IPO13: variants seen among roughly 807,000 people sequenced by gnomAD.
IPO13 encodes the protein importin-13.
In IPO13, 28 loss-of-function variants were observed where a neutral mutation model predicts 115.5. The observed-to-expected ratio is 0.24, with a 90% confidence interval of 0.18 to 0.33. The LOEUF is 0.33. Among genes scored for constraint, IPO13 ranks in the 10% least tolerant of loss-of-function variants. The pLI is 1.00. For synonymous variants in IPO13, 414 were observed against 478.9 expected (o/e 0.86, Z 1.77); for missense variants, 785 against 1,204.6 (o/e 0.65, Z 5.16).
chr1:43,967,153 AG>A lies in IPO13; in HGVS notation c.2613+135del. 1 of 1,108,426 alleles carries A rather than the reference AG, an allele frequency of 9.0e-7. No homozygotes were observed. Among genetic ancestry groups the A allele is most frequent in the African/African-American group, 1.5e-5 (1 of 64,852 alleles). 68.7% of individuals were successfully genotyped at this position (1,108,426 alleles called of 1,614,324 possible). A position where few individuals can be genotyped will look rare whatever the true frequency, so the allele number is the denominator to read the frequency against. On this transcript the variant is annotated intron_variant, in intron 18 of 19. Transcript: ENST00000372343. The surrounding 1 kb of genome is among the most constrained non-coding windows in gnomAD (Gnocchi z 6.1). ...TTTCTTCTTCAATTAAATGCCTGAAAGTTGTTAGGATTGCTGTGGGGATCAG... is the reference window on the plus strand; with the variant it reads ...TTTCTTCTTCAATTAAATGCCTGAAATTGTTAGGATTGCTGTGGGGATCAG...
intron 11 of IPO13, 116 bp from the exon 12 acceptor site, chr1:43,960,133 T>C: frequency 1.1e-6 from 1 of 875,336 alleles, no homozygotes; most frequent in East Asian, 2.4e-5. Flanking sequence ...GGGTCCTCAA[T>C]GTGTGTTCTG....
Position 43,956,182 on chromosome 1 carries a change from C to A in IPO13, c.822-138C>A, listed in dbSNP as rs1315394640. 4.2e-6 allele frequency: 4 copies of A among 945,344 alleles called. No individual in the cohort carries two copies. The highest frequency in any genetic ancestry group is 6.2e-6 in the Non-Finnish European group (4 of 641,416). 58.6% of individuals were successfully genotyped at this position (945,344 alleles called of 1,614,324 possible). On this transcript the variant is annotated intron_variant, in intron 2 of 19. Transcript: ENST00000372343. This position sits in a 1 kb window ranked among gnomAD's most constrained non-coding sequence, Gnocchi z 4.7. ...GGGAACATCAAATCTGCCATGTAGA[C>A]CCTGACCCTTTTTTTGCTTAGGATT... is the stretch of plus-strand genomic sequence containing the variant.
Position 43,958,992 on chromosome 1 carries a change from G to T in IPO13, c.2028+103G>T. ...ACTCTTCAATTCTGTGGGTAATGTT[G>T]TCATTGTTCTCCCTGCCCCGTGGGC... On this transcript the variant is annotated intron_variant, in intron 11 of 19. Transcript: ENST00000372343. The surrounding 1 kb of genome is among the most constrained non-coding windows in gnomAD (Gnocchi z 6.3). The T allele has an allele frequency of 3.4e-6, 4 of 1,167,862 alleles. No homozygotes were observed. Among genetic ancestry groups the T allele is most frequent in the East Asian group, 2.4e-5 (1 of 41,774 alleles). The allele number at this position is 1,167,862 out of a possible 1,614,324, so 72.3% of individuals were successfully genotyped here.
intron 2 of IPO13, among the ~76,000 whole-genome samples, chr1:43,955,879 T>G (rs184315869): frequency 6.6e-6 from 1 of 151,882 alleles, no homozygotes; most frequent in African/African-American, 2.4e-5. Flanking sequence ...TCCCCAAAAG[T>G]TGTAACCTAG....
rs1439553421 is a variant in IPO13, at chr1:43,950,166, C to G, written c.821+13C>G. The G allele has an allele frequency of 3.2e-6, 5 of 1,586,244 alleles. No individual in the cohort carries two copies. In the African/African-American group the frequency reaches 6.7e-5, roughly 21 times the overall value. ...CTGATGCCCAGAGGTGAGCTAGTAC[C>G]CACTCACCCAGAAGACAACCTCTTT... is the stretch of plus-strand genomic sequence containing the variant. On this transcript the variant is annotated intron_variant, in intron 2 of 19. Transcript: ENST00000372343.
chr1:43,964,459 G>C (rs1487117072), intron 15 of IPO13, 138 bp downstream of exon 15: 1 of 669,242 alleles, frequency 1.5e-6, no homozygotes, highest in African/African-American at 1.8e-5. Flanking sequence ...TTCTTCATCT[G>C]TTTCCGTGGA....
chr1:43,949,258 C>A (rs746741612), intron 1 of IPO13, 159 bp from the exon 2 acceptor site: 2 of 685,408 alleles, frequency 2.9e-6, no homozygotes, highest in Non-Finnish European at 4.8e-6. Flanking sequence ...ATCAGCAGGA[C>A]CCCAGGCCCA....
At chr1:43,948,957 G>A (rs1019476855) in intron 1 of IPO13, among the ~76,000 whole-genome samples, 3 of 152,232 alleles carry the variant, frequency 2.0e-5, no homozygotes, top group Non-Finnish European at 2.9e-5. Flanking sequence ...CATCTGGACT[G>A]ACCTAGGGAT....
chr1:43,956,985 A>G lies in IPO13; in HGVS notation c.1271+9A>G. On this transcript the variant is annotated intron_variant, in intron 5 of 19. Coordinates refer to ENST00000372343, the MANE Select transcript of IPO13 (RefSeq NM_014652.4). The surrounding 1 kb of genome is among the most constrained non-coding windows in gnomAD (Gnocchi z 4.7). The stretch of plus-strand genomic sequence containing the variant: ...CAGTTCCGAATTTACAGGTGATGGT[A>G]GCAGGCCAACTCCTCTAAAATGGAG... The G allele has an allele frequency of 6.2e-7, 1 of 1,613,514 alleles. No homozygotes were observed. Among genetic ancestry groups the G allele is most frequent in the Non-Finnish European group, 8.5e-7 (1 of 1,179,692 alleles).
Position 43,958,692 on chromosome 1 carries a change from T to C in IPO13, c.1885-54T>C. The C allele has an allele frequency of 6.2e-7, 1 of 1,613,112 alleles. No individual in the cohort carries two copies. Among genetic ancestry groups the C allele is most frequent in the Non-Finnish European group, 8.5e-7 (1 of 1,179,230 alleles). On this transcript the variant is annotated intron_variant, in intron 10 of 19. Coordinates refer to ENST00000372343, the MANE Select transcript of IPO13 (RefSeq NM_014652.4). This position sits in a 1 kb window ranked among gnomAD's most constrained non-coding sequence, Gnocchi z 6.3. ...CCCTCAGAGCTGAGGCTCAGTGATC[T>C]GGGGACCAAACTGGGGCTGGGAGAT...
In IPO13 at chr1:43,950,072, T is replaced by C; in HGVS notation, c.740T>C (p.Phe247Ser). Residue 247 changes from phenylalanine (F) to serine (S), a missense_variant, in exon 2 of 20, where the codon TTT (phenylalanine) becomes TCT (serine). Physicochemically the swap from Phe to Ser is radical, Grantham distance 155. Transcript: ENST00000372343. ...QDCEALIQAAFAALQDSELFD... is the reference protein window; with the variant it reads ...QDCEALIQAASAALQDSELFD... ...TGTGAGGCGCTCATTCAGGCTGCCT[T>C]TGCTGCTCTGCAGGACTCGGAGCTC... 1 of 1,613,904 alleles carries C rather than the reference T, an allele frequency of 6.2e-7. No individual in the cohort carries two copies. The highest frequency in any genetic ancestry group is 8.5e-7 in the Non-Finnish European group (1 of 1,180,006).
Position 43,949,590 on chromosome 1 carries a change from C to T in IPO13, c.258C>T (p.Ile86=). The stretch of plus-strand genomic sequence containing the variant: ...GGGCCAGTGCTCTTCACATCAAGAT[C>T]TCTCGCTACTGGAGTGACATCCCCA... ...YFGASALHIK[I]SRYWSDIPTD... The change falls in exon 2 of 20, where the codon ATC becomes ATT. Residue 86 remains isoleucine (I), a synonymous_variant. Transcript: ENST00000372343. 6.2e-7 allele frequency: 1 copy of T among 1,614,230 alleles called. No homozygotes were observed. Among genetic ancestry groups the T allele is most frequent in the Non-Finnish European group, 8.5e-7 (1 of 1,180,036 alleles).
At chr1:43,954,324 A>T (rs975799425) in intron 2 of IPO13, among the ~76,000 whole-genome samples, 2 of 152,092 alleles carry the variant, frequency 1.3e-5, no homozygotes, top group African/African-American at 2.4e-5. Flanking sequence ...TGGGCTGGGG[A>T]TATCCTGGCA....
intron 6 of IPO13, 33 bp from the exon 7 acceptor site, chr1:43,957,369 C>T: frequency 6.2e-7 from 1 of 1,613,764 alleles, no homozygotes; most frequent in Non-Finnish European, 8.5e-7. Flanking sequence ...CACCCTCCTC[C>T]TCATCCAAGC....
chr1:43,961,104 G>T (rs561503621), intron 13 of IPO13, 62 bp from the exon 14 acceptor site: 10 of 1,606,940 alleles, frequency 6.2e-6, no homozygotes, highest in African/African-American at 2.7e-5. Flanking sequence ...GCATTCCAGG[G>T]ATATTGCCAT....
rs2085192961 is a variant in IPO13, at chr1:43,949,744, G to A, written c.412G>A (p.Ala138Thr). ...ASLALSMMPD[A>T]WPCAVADMVR... ...ACTGGCTCTCAGCATGATGCCTGAC[G>A]CTTGGCCATGTGCTGTGGCAGATAT... is the stretch of plus-strand genomic sequence containing the variant. Residue 138 changes from alanine to threonine, a missense_variant, in exon 2 of 20, where the codon GCT becomes ACT. Ala to Thr is a moderately conservative substitution (Grantham distance 58, BLOSUM62 0). Around this residue, in one of 3 missense-constraint regions of IPO13, gnomAD observed 325 missense variants for 449.8 expected, o/e 0.72. Transcript: ENST00000372343. 6.2e-7 allele frequency: 1 copy of A among 1,614,150 alleles called. No homozygotes were observed. Among genetic ancestry groups the A allele is most frequent in the Non-Finnish European group, 8.5e-7 (1 of 1,179,986 alleles).
Position 43,960,947 on chromosome 1 carries a change from G to A in IPO13, c.2181G>A (p.Leu727=). The change falls in exon 13 of 20, where the codon CTG becomes CTA. Residue 727 remains leucine, a synonymous_variant. Coordinates refer to ENST00000372343, the MANE Select transcript of IPO13 (RefSeq NM_014652.4). ...ACTTTGCCCCCATGGTGCCACAGCTGTGTGAGATGCTGGGTCGGATGTACA... is the reference window on the plus strand; with the variant it reads ...ACTTTGCCCCCATGGTGCCACAGCTATGTGAGATGCTGGGTCGGATGTACA... The part of the protein sequence containing the change: ...LDDFAPMVPQ[L]CEMLGRMYST... The A allele has an allele frequency of 6.2e-7, 1 of 1,614,232 alleles. No homozygotes were observed. The highest frequency in any genetic ancestry group is 8.5e-7 in the Non-Finnish European group (1 of 1,180,034).
rs34319792 is a variant in IPO13 at position 43,949,758 on chromosome 1, T to G, written c.426T>G (p.Ala142=). ...LSMMPDAWPC[A]VADMVRLFQA... is the part of the protein sequence containing the mutation. ...TGATGCCTGACGCTTGGCCATGTGC[T>G]GTGGCAGATATGGTACGACTCTTCC... Residue 142 remains alanine, a synonymous_variant, in exon 2 of 20, where the codon GCT becomes GCG. Transcript: ENST00000372343. 3.5e-4 allele frequency: 566 copies of G among 1,614,188 alleles called. 2 individuals carry two copies. The African/African-American group carries it at 7.0e-3, about 20-fold the overall frequency.
Position 43,967,632 on chromosome 1 carries a change from A to T in IPO13, c.2842A>T (p.Thr948Ser). Residue 948 changes from threonine (T) to serine (S), a missense_variant, in exon 20 of 20, where the codon ACA (threonine) becomes TCA (serine). This residue lies in a region of IPO13 where 285 missense variants were observed against 394.8 expected (regional missense o/e 0.72). Transcript: ENST00000372343. This position sits in a 1 kb window ranked among gnomAD's most constrained non-coding sequence, Gnocchi z 6.1. Reference protein sequence around the residue: ...RRVKEMVKEFTLLCRGLHGTD... With the variant: ...RRVKEMVKEFSLLCRGLHGTD... ...GGTGAAGGAGATGGTGAAGGAGTTC[A>T]CACTGCTGTGCCGGGGTCTCCATGG... The T allele has an allele frequency of 6.2e-7, 1 of 1,614,202 alleles. No homozygotes were observed. Among genetic ancestry groups the T allele is most frequent in the Non-Finnish European group, 8.5e-7 (1 of 1,180,028 alleles).
Sources: allele counts gnomAD v4.1 joint callset (sites outside exome capture counted in the v4.1 genomes callset), GRCh38; gene constraint gnomAD v4.1.1; regional missense constraint gnomAD v4.1.1; non-coding constraint Gnocchi (gnomAD v3.1); transcripts MANE v1.5; gene names NCBI Gene and HGNC (gene_info 2026-07-23, HGNC 2026-07-21).